PDIA5: variants seen among roughly 807,000 people sequenced by gnomAD.
The protein encoded by PDIA5 is protein disulfide-isomerase A5.
Under a neutral mutation model 77.6 loss-of-function variants are expected in PDIA5, and 58 were observed. The ratio of observed to expected loss-of-function variants is 0.75; its 90% CI spans 0.61 to 0.93. The LOEUF is 0.93. PDIA5 is among the 40% of genes least tolerant of loss of function. The pLI, the probability that PDIA5 is intolerant of heterozygous loss-of-function variation, is 0.00. For missense variants in PDIA5, 630 were observed against 647.7 expected (o/e 0.97, Z 0.30); for synonymous variants, 250 against 252.1 (o/e 0.99, Z 0.08).
intron 15 of PDIA5, among the ~76,000 whole-genome samples, chr3:123,160,132 C>A (rs1162386762): frequency 6.6e-6 from 1 of 152,186 alleles, no homozygotes; most frequent in East Asian, 1.9e-4. Context: ...GCATCTAGAA[C>A]AGGCTTGGCA....
At chr3:123,149,496 G>A (rs1935837053) in intron 13 of PDIA5, among the ~76,000 whole-genome samples, 1 of 152,144 alleles carries the variant, frequency 6.6e-6, no homozygotes, top group African/African-American at 2.4e-5. Flanking sequence ...AGGGAAGCAG[G>A]GGAGCAAAAG....
At position 123,124,134 on chromosome 3, in the gene PDIA5, C is replaced by G. The variant is rs370558834; in HGVS notation, c.678C>G (p.Gly226=). ...TCAAGGAGGAGTACAGCGTGCGCGG[C>G]TTCCCCACCATCTGCTATTTTGAGT... The part of the protein sequence containing the change: ...ENIKEEYSVR[G]FPTICYFEKG... The change falls in exon 9 of 17, where the codon GGC becomes GGG. Residue 226 remains glycine, a synonymous_variant. Transcript: ENST00000316218. The G allele has an allele frequency of 6.2e-7, 1 of 1,613,718 alleles. No individual in the cohort carries two copies. The highest frequency in any genetic ancestry group is 8.5e-7 in the Non-Finnish European group (1 of 1,179,694).
intron 6 of PDIA5, among the ~76,000 whole-genome samples, chr3:123,108,295 T>C (rs1270021830): frequency 6.6e-6 from 1 of 151,540 alleles, no homozygotes; most frequent in East Asian, 2.0e-4. Context: ...TTTTTTTTTT[T>C]TTTGAGACAG....
chr3:123,130,504 C>G lies in PDIA5; in HGVS notation c.798C>G (p.Val266=), dbSNP rs551053479. 7.4e-6 allele frequency: 12 copies of G among 1,614,020 alleles called. No individual in the cohort carries two copies. In the South Asian group the frequency reaches 1.3e-4, roughly 18 times the overall value. Residue 266 remains valine, a synonymous_variant, in exon 11 of 17, where the codon GTC becomes GTG. Coordinates refer to ENST00000316218, the MANE Select transcript of PDIA5 (RefSeq NM_006810.4). The stretch of plus-strand genomic sequence containing the variant: ...GTCCGCAGCCGCCACAGCCCCAGGT[C>G]CCTGAGACTCCCTGGGCAGATGAGG... The part of the protein sequence containing the change: ...LKNPQPPQPQ[V]PETPWADEGG...
chr3:123,090,617 C>T (rs953901665), intron 2 of PDIA5, among the ~76,000 whole-genome samples: 1 of 152,168 alleles, frequency 6.6e-6, no homozygotes, highest in East Asian at 1.9e-4. Flanking sequence ...CTCATTTTCT[C>T]TGATGGAGGA....
At chr3:123,113,895 T>C (rs940395503) in intron 7 of PDIA5, among the ~76,000 whole-genome samples, 5 of 152,172 alleles carry the variant, frequency 3.3e-5, no homozygotes, top group Non-Finnish European at 7.3e-5. Flanking sequence ...ACTTTTGAGG[T>C]TTGAGAATGA....
At chr3:123,141,888 C>T (rs895896899) in intron 11 of PDIA5, among the ~76,000 whole-genome samples, 11 of 152,198 alleles carry the variant, frequency 7.2e-5, no homozygotes, top group Admixed American at 6.5e-4. Flanking sequence ...CATCAGCTCT[C>T]CGTGTTCTTC....
At chr3:123,131,567 G>A (rs1401889314) in intron 11 of PDIA5, among the ~76,000 whole-genome samples, 1 of 149,892 alleles carries the variant, frequency 6.7e-6, no homozygotes, top group African/African-American at 2.5e-5. Context: ...AGAGGGCATG[G>A]GGAGGCCAGG....
rs951992113 is a variant in PDIA5, at chr3:123,148,918, G to A, written c.1143-1316G>A. 2.6e-5 allele frequency among the ~76,000 whole-genome samples: 4 copies of A among 152,352 alleles called. 1 individual carries two copies. The South Asian group carries it at 6.2e-4, about 24-fold the overall frequency. On this transcript the variant is annotated intron_variant, in intron 13 of 16. Transcript: ENST00000316218. ...GCGAGCAGACAGCGCCAGAAAAGGT[G>A]GATGGCATTTACAGGCAGGTGCATA...
At chr3:123,129,651 C>T (rs1029970232) in intron 10 of PDIA5, among the ~76,000 whole-genome samples, 2 of 152,204 alleles carry the variant, frequency 1.3e-5, no homozygotes, top group Non-Finnish European at 2.9e-5. Context: ...TGTGTCACCA[C>T]CAGCCACCTT....
At chr3:123,145,207 C>G in intron 11 of PDIA5, 1 of 281,690 alleles carries the variant, frequency 3.5e-6, no homozygotes, top group South Asian at 7.0e-5. Context: ...ATTGTCTAAT[C>G]CATAGAATGG....
intron 3 of PDIA5, among the ~76,000 whole-genome samples, chr3:123,097,278 C>T (rs909347976): frequency 6.6e-6 from 1 of 152,182 alleles, no homozygotes; most frequent in African/African-American, 2.4e-5. Flanking sequence ...AGCACACCAC[C>T]ATGCACTTGT....
intron 15 of PDIA5, among the ~76,000 whole-genome samples, chr3:123,158,403 C>T (rs779120092): frequency 1.3e-5 from 2 of 152,094 alleles, no homozygotes; most frequent in South Asian, 2.1e-4. Context: ...AGACCCTGCT[C>T]CTGGGCTCAT....
In PDIA5 at chr3:123,162,060, C is replaced by T. The variant is rs1936173464; in HGVS notation, c.*100C>T. 2.7e-6 allele frequency: 2 copies of T among 735,712 alleles called. No homozygotes were observed. The highest frequency in any genetic ancestry group is 1.8e-5 in the African/African-American group (1 of 56,166). The allele number at this position is 735,712 out of a possible 1,614,324, so 45.6% of individuals were successfully genotyped here. A position where few individuals can be genotyped will look rare whatever the true frequency, so the allele number is the denominator to read the frequency against. ...TCTGAAGACAAATTTTTTATAGCCG[C>T]TTATGGCCATTTTGTACAATTTTGA... On this transcript the variant is annotated 3_prime_UTR_variant, in exon 17 of 17. Coordinates refer to ENST00000316218, the MANE Select transcript of PDIA5 (RefSeq NM_006810.4).
At chr3:123,118,318 T>C (rs968291317) in intron 8 of PDIA5, among the ~76,000 whole-genome samples, 10 of 152,222 alleles carry the variant, frequency 6.6e-5, no homozygotes, top group African/African-American at 2.4e-4. Flanking sequence ...TTGAGATTAT[T>C]TAGCCTGGAG....
At position 123,106,750 on chromosome 3, in the gene PDIA5, C is replaced by A. The variant is rs1220539767; in HGVS notation, c.389C>A (p.Ser130Tyr). Residue 130 changes from serine to tyrosine, a missense_variant and splice_region_variant, in exon 6 of 17, where the codon TCC (serine) becomes TAC (tyrosine). Transcript: ENST00000316218. ...TCTCTTCTCTTTTTTTTCCCTCAGT[C>A]CATAGTGGCCTTTTTGAAGGATCCA... is the stretch of plus-strand genomic sequence containing the variant. The part of the protein sequence containing the change: ...TEYNRAVTFK[S>Y]IVAFLKDPKG... 6 of 1,605,184 alleles carry A rather than the reference C, an allele frequency of 3.7e-6. No individual in the cohort carries two copies. Among genetic ancestry groups the A allele is most frequent in the Admixed American group, 1.7e-5 (1 of 59,670 alleles).
intron 1 of PDIA5, among the ~76,000 whole-genome samples, chr3:123,069,185 T>C (rs935043386): frequency 6.6e-6 from 1 of 152,230 alleles, no homozygotes; most frequent in African/African-American, 2.4e-5. Context: ...ATTTAAATGC[T>C]GTATCTATCT....
chr3:123,070,559 G>C (rs757191566), intron 1 of PDIA5, among the ~76,000 whole-genome samples: 1 of 152,210 alleles, frequency 6.6e-6, no homozygotes, highest in Non-Finnish European at 1.5e-5. Flanking sequence ...GAGCTTCCAG[G>C]CTGGGTGTCT....
intron 3 of PDIA5, among the ~76,000 whole-genome samples, chr3:123,100,386 C>T (rs1259139414): frequency 1.3e-5 from 2 of 152,260 alleles, no homozygotes; most frequent in Non-Finnish European, 2.9e-5. Context: ...TCAGCGGGTG[C>T]CCTGGGCTGC....
Sources: allele counts gnomAD v4.1 joint callset (sites outside exome capture counted in the v4.1 genomes callset), GRCh38; gene constraint gnomAD v4.1.1; transcripts MANE v1.5; gene names NCBI Gene and HGNC (gene_info 2026-07-23, HGNC 2026-07-21).